Variants in CPA4 observed in about 807,000 individuals in gnomAD.
The protein encoded by CPA4 is carboxypeptidase A3.
Under a neutral mutation model 54.7 loss-of-function variants are expected in CPA4, and 49 were observed. The observed-to-expected ratio is 0.90, with a 90% CI of 0.71 to 1.14. The LOEUF is 1.14. Ranked by LOEUF, CPA4 falls within the 50% of genes most tolerant of loss-of-function variation. CPA4 has a pLI of 0.00. For missense variants in CPA4, 487 were observed against 525.1 expected, an observed-to-expected ratio of 0.93 and a Z score of 0.71; for synonymous variants, 215 against 206.8, an observed-to-expected ratio of 1.04 and a Z score of -0.34.
At chr7:130,313,320 C>A (rs555802485) in intron 10 of CPA4, among the ~76,000 whole-genome samples, 2 of 152,176 alleles carry the variant, frequency 1.3e-5, no homozygotes, top group African/African-American at 4.8e-5. Context: ...ACCTGTGTTA[C>A]GATTTTGTTT....
chr7:130,305,857 G>A lies in CPA4; in HGVS notation c.528G>A (p.Leu176=), dbSNP rs749469512. The A allele has an allele frequency of 6.2e-6, 10 of 1,614,098 alleles. No homozygotes were observed. The highest frequency in any genetic ancestry group is 2.2e-5 in the East Asian group (1 of 44,894). ...GCGTGAGGCGGCCGGCCGTTTGGCT[G>A]AATGCAGGCATCCATTCCCGAGAGT... ...GKGVRRPAVW[L]NAGIHSREWI... Residue 176 remains leucine, a synonymous_variant, in exon 6 of 11, where the codon CTG becomes CTA. Coordinates refer to ENST00000222482, the MANE Select transcript of CPA4 (RefSeq NM_016352.4).
chr7:130,293,587 C>T (rs182208720), intron 1 of CPA4: 3 of 236,020 alleles, frequency 1.3e-5, no homozygotes, highest in Admixed American at 1.1e-4. Flanking sequence ...CTAAGAGCTA[C>T]GTTATTAATT....
At chr7:130,317,565 G>A (rs1380823998) in intron 10 of CPA4, among the ~76,000 whole-genome samples, 1 of 152,158 alleles carries the variant, frequency 6.6e-6, no homozygotes, top group Non-Finnish European at 1.5e-5. Flanking sequence ...CCAAACTCAG[G>A]TGATCCTCCC....
chr7:130,300,701 C>T (rs1286804580), intron 3 of CPA4, 115 bp from the exon 4 acceptor site: 6 of 673,028 alleles, frequency 8.9e-6, no homozygotes, highest in South Asian at 7.3e-5. Flanking sequence ...ATTTGTGCTG[C>T]TTGATATGCT....
chr7:130,317,531 C>T (rs74853714), intron 10 of CPA4, among the ~76,000 whole-genome samples: 6,531 of 152,258 alleles, frequency 0.043, 439 homozygotes, highest in African/African-American at 0.14. Flanking sequence ...GGTGCAATCT[C>T]GGCTCACTGC....
intron 6 of CPA4, chr7:130,306,319 G>C (rs1210434715): frequency 7.9e-6 from 2 of 252,248 alleles, no homozygotes; most frequent in Non-Finnish European, 1.5e-5. Flanking sequence ...GGAGGCGGAG[G>C]TTGCGTTGAG....
At chr7:130,311,948 A>G (rs1214917403) in intron 9 of CPA4, 90 bp from the exon 10 acceptor site, 2 of 959,194 alleles carry the variant, frequency 2.1e-6, no homozygotes, top group Non-Finnish European at 1.7e-6. Context: ...GGGGGCTGAG[A>G]ATCTTCCAAA....
rs1305475382 is a variant in CPA4, at chr7:130,306,321, T to G, written c.591+401T>G. 6 of 250,082 alleles carry G rather than the reference T, an allele frequency of 2.4e-5. No individual in the cohort carries two copies. The East Asian group carries it at 6.6e-4, about 28-fold the overall frequency. The allele number at this position is 250,082 out of a possible 1,614,324, so 15.5% of individuals were successfully genotyped here. A position where few individuals can be genotyped will look rare whatever the true frequency, so the allele number is the denominator to read the frequency against. Reference sequence around the variant, plus strand: ...TCCCTTGAACCCAGGAGGCGGAGGTTGCGTTGAGCCAAGATCACGCCACTG... The same window carrying G: ...TCCCTTGAACCCAGGAGGCGGAGGTGGCGTTGAGCCAAGATCACGCCACTG... On this transcript the variant is annotated intron_variant, in intron 6 of 10. Coordinates refer to ENST00000222482, the MANE Select transcript of CPA4 (RefSeq NM_016352.4).
At chr7:130,301,431 C>A (rs565967541) in intron 4 of CPA4, among the ~76,000 whole-genome samples, 1 of 152,132 alleles carries the variant, frequency 6.6e-6, no homozygotes, top group Non-Finnish European at 1.5e-5. Flanking sequence ...GTAAGCCAAA[C>A]CTTCAAATGA....
chr7:130,300,940 T>A (rs377753392), intron 4 of CPA4, 26 bp downstream of exon 4: 21 of 1,465,410 alleles, frequency 1.4e-5, no homozygotes, highest in South Asian at 3.4e-5. Context: ...TGGGTTAAGA[T>A]CAAGGTTCTC....
At chr7:130,296,741 C>T (rs896706399) in intron 1 of CPA4, among the ~76,000 whole-genome samples, 1 of 115,890 alleles carries the variant, frequency 8.6e-6, no homozygotes, top group Non-Finnish European at 1.6e-5. Context: ...GACTGGAGTG[C>T]GGTGATGCAA....
In CPA4 at chr7:130,308,329, G is replaced by T. The variant is rs769830808; in HGVS notation, c.725G>T (p.Arg242Leu). ...CAGAACCGATTATGGAGGAAGACGC[G>T]GTCCCGAAATCCTGGAAGCTCCTGC... ...QTQNRLWRKTRSRNPGSSCIG... is the reference protein window; with the variant it reads ...QTQNRLWRKTLSRNPGSSCIG... Residue 242 changes from arginine (R) to leucine (L), a missense_variant, in exon 8 of 11, where the codon CGG becomes CTG. By Grantham distance (102) the Arg-to-Leu change is moderately radical. Coordinates refer to ENST00000222482, the MANE Select transcript of CPA4 (RefSeq NM_016352.4). 1.2e-6 allele frequency: 2 copies of T among 1,614,112 alleles called. No individual in the cohort carries two copies. The highest frequency in any genetic ancestry group is 1.7e-6 in the Non-Finnish European group (2 of 1,180,008).
At chr7:130,308,117 G>T in intron 7 of CPA4, 190 bp from the exon 8 acceptor site, 1 of 602,718 alleles carries the variant, frequency 1.7e-6, no homozygotes. Context: ...CCTTCTCTTA[G>T]AGCCGGAAGG....
intron 8 of CPA4, among the ~76,000 whole-genome samples, chr7:130,309,441 G>A (rs1166275559): frequency 2.6e-5 from 4 of 152,140 alleles, no homozygotes; most frequent in African/African-American, 9.7e-5. Flanking sequence ...TTCCACTCCA[G>A]TACCCTTAGA....
intron 1 of CPA4, among the ~76,000 whole-genome samples, chr7:130,295,854 C>T (rs1005752774): frequency 5.3e-5 from 8 of 152,218 alleles, no homozygotes; most frequent in African/African-American, 1.7e-4. Flanking sequence ...AGGTGCATGC[C>T]TGCAATCCCA....
At chr7:130,314,344 G>C (rs1321312190) in intron 10 of CPA4, among the ~76,000 whole-genome samples, 1 of 152,220 alleles carries the variant, frequency 6.6e-6, no homozygotes, top group African/African-American at 2.4e-5. Context: ...GTGTTGTAGG[G>C]AGTCGTAATA....
At chr7:130,317,213 T>C (rs772944808) in intron 10 of CPA4, among the ~76,000 whole-genome samples, 2 of 152,216 alleles carry the variant, frequency 1.3e-5, no homozygotes, top group Non-Finnish European at 2.9e-5. Context: ...TTTAGATTTG[T>C]TTAGACAGAC....
intron 1 of CPA4, among the ~76,000 whole-genome samples, chr7:130,297,821 A>G (rs1178964747): frequency 2.6e-5 from 4 of 152,200 alleles, no homozygotes; most frequent in East Asian, 3.8e-4. Flanking sequence ...TCACCTAGCA[A>G]CAGCCTAATG....
chr7:130,316,012 G>T (rs985626628), intron 10 of CPA4, among the ~76,000 whole-genome samples: 1 of 152,118 alleles, frequency 6.6e-6, no homozygotes. Context: ...AACCAGTATG[G>T]GGGTTTGAAT....
Sources: allele counts gnomAD v4.1 joint callset (sites outside exome capture counted in the v4.1 genomes callset), GRCh38; gene constraint gnomAD v4.1.1; transcripts MANE v1.5; gene names NCBI Gene and HGNC (gene_info 2026-07-23, HGNC 2026-07-21).